Variants in TRIO observed in about 807,000 individuals in gnomAD.
The protein encoded by TRIO is trio Rho guanine nucleotide exchange factor.
A neutral mutation model predicts 351.9 loss-of-function variants in TRIO; 58 were observed. That is an observed-to-expected ratio of 0.16 (90% CI 0.13 to 0.21). The LOEUF is 0.21. Among genes scored for constraint, TRIO ranks in the 10% least tolerant of loss-of-function variants. The probability of loss-of-function intolerance (pLI) is 1.00; values close to 1 mark genes in which losing one functional copy is unlikely to be tolerated. For missense variants in TRIO, 3,201 were observed against 4,027.8 expected, an observed-to-expected ratio of 0.79 and a Z score of 5.56; for synonymous variants, 1,758 against 1,595.7, an observed-to-expected ratio of 1.10 and a Z score of -2.42.
At chr5:14,504,994 G>A (rs1757562203) in intron 55 of TRIO, among the ~76,000 whole-genome samples, 1 of 152,214 alleles carries the variant, frequency 6.6e-6, no homozygotes, top group Non-Finnish European at 1.5e-5. Flanking sequence ...GGATCAGCGG[G>A]GTGCCCCTCA....
intron 11 of TRIO, among the ~76,000 whole-genome samples, chr5:14,354,866 C>CCT (rs2152333592): frequency 6.6e-6 from 1 of 152,316 alleles, no homozygotes; most frequent in South Asian, 2.1e-4. Context: ...TCCCATTGGA[C>CCT]AGTGACAAGG....
chr5:14,272,314 C>G (rs1161601510), intron 2 of TRIO, among the ~76,000 whole-genome samples: 1 of 152,214 alleles, frequency 6.6e-6, no homozygotes, highest in African/African-American at 2.4e-5. Context: ...CCTGCTCCCC[C>G]AACCCCTCTT....
rs763589608 is a variant in TRIO, at chr5:14,488,237, G to A, written c.7609G>A (p.Val2537Met). 6.3e-7 allele frequency: 1 copy of A among 1,582,694 alleles called. No individual in the cohort carries two copies. Among genetic ancestry groups the A allele is most frequent in the Non-Finnish European group, 8.5e-7 (1 of 1,172,026 alleles). ...GTGCTCCTCGGCCAGCGAGCAGTCC[G>A]TGCAGTCCACCCAGAGCAACGGGGT... ...STCSSASEQS[V>M]QSTQSNGSES... The change falls in exon 48 of 57, where the codon GTG becomes ATG. Residue 2537 changes from valine (V) to methionine (M), a missense_variant. Val to Met is a conservative substitution (Grantham distance 21). Around this residue, in one of 19 missense-constraint regions of TRIO, gnomAD observed 1,089 missense variants for 954.9 expected, o/e 1.14. Transcript: ENST00000344204.
At chr5:14,340,588 G>A (rs563825066) in intron 11 of TRIO, among the ~76,000 whole-genome samples, 4 of 151,886 alleles carry the variant, frequency 2.6e-5, no homozygotes, top group Non-Finnish European at 2.9e-5. Flanking sequence ...ATAAATTCCT[G>A]GCCCTCTGAT....
chr5:14,473,821 G>A (rs539755259), intron 39 of TRIO, among the ~76,000 whole-genome samples, 173 bp from the exon 40 acceptor site: 14 of 152,312 alleles, frequency 9.2e-5, no homozygotes, highest in Admixed American at 3.9e-4. Context: ...TATATTCCAA[G>A]TATCAGTTAA....
chr5:14,301,757 G>C (rs899643454), intron 7 of TRIO, among the ~76,000 whole-genome samples: 2 of 152,166 alleles, frequency 1.3e-5, no homozygotes, highest in Non-Finnish European at 2.9e-5. Flanking sequence ...CCTGTTCCCT[G>C]TTCCATGCAT....
chr5:14,377,153 T>C (rs1354488597), intron 19 of TRIO, among the ~76,000 whole-genome samples: 1 of 148,012 alleles, frequency 6.8e-6, no homozygotes, highest in African/African-American at 2.6e-5. Context: ...TGTCATGAGG[T>C]TTGTTTTTTT....
At chr5:14,203,881 A>G (rs1005604874) in intron 1 of TRIO, among the ~76,000 whole-genome samples, 1 of 152,216 alleles carries the variant, frequency 6.6e-6, no homozygotes. Flanking sequence ...AAAATTGAAG[A>G]AGGAAAGTGA....
At chr5:14,199,403 C>T (rs1399097551) in intron 1 of TRIO, among the ~76,000 whole-genome samples, 1 of 152,088 alleles carries the variant, frequency 6.6e-6, no homozygotes, top group African/African-American at 2.4e-5. Flanking sequence ...TTTCAAAAGC[C>T]ACAAAGCTGT....
intron 11 of TRIO, among the ~76,000 whole-genome samples, chr5:14,340,610 A>G (rs1402440987): frequency 6.6e-6 from 1 of 152,134 alleles, no homozygotes; most frequent in East Asian, 1.9e-4. Flanking sequence ...AACAAGTAAT[A>G]CAAACATGAG....
At chr5:14,231,721 T>C (rs1332745024) in intron 1 of TRIO, among the ~76,000 whole-genome samples, 1 of 152,240 alleles carries the variant, frequency 6.6e-6, no homozygotes, top group Admixed American at 6.5e-5. Context: ...TTAAAACTTT[T>C]ATTATTCAAA....
chr5:14,492,412 A>G, intron 48 of TRIO, 155 bp from the exon 49 acceptor site: 3 of 922,502 alleles, frequency 3.3e-6, no homozygotes, highest in South Asian at 3.5e-5. Flanking sequence ...AGTTAGCCAG[A>G]GGGTAAAGGA....
chr5:14,180,760 T>C (rs373681709), intron 1 of TRIO, among the ~76,000 whole-genome samples: 5 of 152,088 alleles, frequency 3.3e-5, no homozygotes, highest in East Asian at 1.9e-4. Context: ...AGCCCAGGAG[T>C]TTGAAGCTGC....
chr5:14,191,454 C>T (rs954402776), intron 1 of TRIO, among the ~76,000 whole-genome samples: 10 of 150,968 alleles, frequency 6.6e-5, no homozygotes, highest in Admixed American at 5.3e-4. Context: ...TTTAGCTGGC[C>T]GTGGTGGCAC....
intron 11 of TRIO, among the ~76,000 whole-genome samples, chr5:14,348,562 ATG>A (rs1742657478): frequency 6.6e-6 from 1 of 152,038 alleles, no homozygotes; most frequent in Admixed American, 6.5e-5. Flanking sequence ...ACACATCAGC[ATG>A]TTTTTCCTGC....
intron 1 of TRIO, among the ~76,000 whole-genome samples, chr5:14,181,917 G>A (rs2152138531): frequency 6.6e-6 from 1 of 152,116 alleles, no homozygotes; most frequent in African/African-American, 2.4e-5. Flanking sequence ...GAAATTCTAG[G>A]TCTGACCTCA....
At chr5:14,414,764 A>G (rs1326904690) in intron 33 of TRIO, among the ~76,000 whole-genome samples, 2 of 152,168 alleles carry the variant, frequency 1.3e-5, no homozygotes, top group African/African-American at 4.8e-5. Flanking sequence ...ATTTTAGTGA[A>G]CGCTTCTTCT....
At chr5:14,182,800 T>A (rs949750892) in intron 1 of TRIO, among the ~76,000 whole-genome samples, 5 of 152,020 alleles carry the variant, frequency 3.3e-5, no homozygotes, top group African/African-American at 1.2e-4. Flanking sequence ...TGATGATTTT[T>A]AAAAATCCTT....
intron 18 of TRIO, among the ~76,000 whole-genome samples, 197 bp downstream of exon 18, chr5:14,369,720 T>C (rs1186170215): frequency 6.6e-6 from 1 of 152,258 alleles, no homozygotes. Flanking sequence ...GCGATTGCCT[T>C]GTCTTTCTAG....
Sources: allele counts gnomAD v4.1 joint callset (sites outside exome capture counted in the v4.1 genomes callset), GRCh38; gene constraint gnomAD v4.1.1; regional missense constraint gnomAD v4.1.1; transcripts MANE v1.5; gene names NCBI Gene and HGNC (gene_info 2026-07-23, HGNC 2026-07-21).